Variants in SORCS3 observed in about 807,000 individuals in gnomAD.
The protein encoded by SORCS3 is sortilin related VPS10 domain containing receptor 3, also known as VPS10 domain-containing receptor SorCS3.
A neutral mutation model predicts 146.3 loss-of-function variants in SORCS3; 57 were observed. That is an observed-to-expected ratio of 0.39 (90% CI 0.31 to 0.49). SORCS3 has a LOEUF of 0.49. Ranked by LOEUF, SORCS3 falls within the 20% of genes least tolerant of loss-of-function variation. SORCS3 has a pLI of 0.92. For missense variants in SORCS3, 1,341 were observed against 1,575.5 expected (o/e 0.85, Z 2.52); for synonymous variants, 653 against 618.5 (o/e 1.06, Z -0.83).
At chr10:104,991,779 G>T (rs967063551) in intron 4 of SORCS3, among the ~76,000 whole-genome samples, 1 of 152,110 alleles carries the variant, frequency 6.6e-6, no homozygotes, top group Non-Finnish European at 1.5e-5. Context: ...GATTATAGGC[G>T]TGAGCCACTG....
intron 5 of SORCS3, among the ~76,000 whole-genome samples, chr10:105,067,687 T>A (rs1394112593): frequency 1.3e-5 from 2 of 152,190 alleles, no homozygotes; most frequent in Non-Finnish European, 2.9e-5. Context: ...CCTCCACCAC[T>A]ACTTCCTTTA....
intron 8 of SORCS3, among the ~76,000 whole-genome samples, chr10:105,144,940 A>T (rs759709973): frequency 6.6e-6 from 1 of 152,158 alleles, no homozygotes; most frequent in Non-Finnish European, 1.5e-5. Context: ...ATTTAGACAA[A>T]GGTTATATAT....
chr10:105,261,817 A>G (rs1220264442), intron 25 of SORCS3, among the ~76,000 whole-genome samples: 2 of 152,206 alleles, frequency 1.3e-5, no homozygotes, highest in African/African-American at 4.8e-5. Flanking sequence ...CAGATGAGGA[A>G]ACTATCCAAG....
intron 1 of SORCS3, among the ~76,000 whole-genome samples, chr10:104,794,740 G>A (rs2017534228): frequency 6.6e-6 from 1 of 152,032 alleles, no homozygotes; most frequent in African/African-American, 2.4e-5. Context: ...CTTCTCACAG[G>A]TTTTGCTGCC....
intron 3 of SORCS3, among the ~76,000 whole-genome samples, chr10:104,927,892 A>G (rs2133608509): frequency 6.7e-6 from 1 of 148,678 alleles, no homozygotes; most frequent in Non-Finnish European, 1.5e-5. Flanking sequence ...AAAAAAAAGA[A>G]GACAGTGTGT....
intron 3 of SORCS3, among the ~76,000 whole-genome samples, chr10:104,922,743 C>T (rs1416373059): frequency 1.3e-5 from 2 of 151,180 alleles, no homozygotes; most frequent in African/African-American, 2.5e-5. Context: ...CTACTGTTAT[C>T]CCTGTTTCCA....
chr10:104,751,223 A>G (rs1035144426), intron 1 of SORCS3, among the ~76,000 whole-genome samples: 1 of 152,168 alleles, frequency 6.6e-6, no homozygotes, highest in South Asian at 2.1e-4. Flanking sequence ...CAAAATAAGG[A>G]ATACATTTCT....
At chr10:105,128,319 A>G (rs1006513356) in intron 7 of SORCS3, among the ~76,000 whole-genome samples, 1 of 152,120 alleles carries the variant, frequency 6.6e-6, no homozygotes, top group Admixed American at 6.5e-5. Context: ...ACAGCTTGAC[A>G]GATGGCTTAA....
chr10:105,078,649 G>A (rs1009538002), intron 5 of SORCS3, among the ~76,000 whole-genome samples: 6 of 152,142 alleles, frequency 3.9e-5, no homozygotes, highest in Non-Finnish European at 5.9e-5. Context: ...ACGATATTTT[G>A]AGCACTATCA....
At chr10:105,086,202 C>T (rs1406682767) in intron 5 of SORCS3, among the ~76,000 whole-genome samples, 1 of 152,138 alleles carries the variant, frequency 6.6e-6, no homozygotes, top group Non-Finnish European at 1.5e-5. Context: ...CGTGACATTC[C>T]AGGGCTTCAG....
chr10:105,185,043 G>A (rs1209583437), intron 14 of SORCS3, among the ~76,000 whole-genome samples: 2 of 152,100 alleles, frequency 1.3e-5, no homozygotes, highest in African/African-American at 2.4e-5. Context: ...GATACCTTAT[G>A]TAAGTAAAAT....
At chr10:104,940,301 C>T (rs59372023) in intron 3 of SORCS3, among the ~76,000 whole-genome samples, 3,563 of 135,986 alleles carry the variant, frequency 0.026, 178 homozygotes, top group African/African-American at 0.09. Flanking sequence ...GTGCAGGTTT[C>T]TTACATATGT....
intron 13 of SORCS3, among the ~76,000 whole-genome samples, chr10:105,173,032 A>T (rs1164948125): frequency 6.6e-6 from 1 of 152,154 alleles, no homozygotes; most frequent in Non-Finnish European, 1.5e-5. Context: ...CCAAATTTAC[A>T]TCCCTAATTA....
At chr10:105,038,139 T>C (rs996811692) in intron 4 of SORCS3, among the ~76,000 whole-genome samples, 3 of 152,196 alleles carry the variant, frequency 2.0e-5, no homozygotes. Context: ...TCTCGATTGG[T>C]CTCTGGTAAT....
intron 5 of SORCS3, among the ~76,000 whole-genome samples, chr10:105,076,923 T>C (rs1289620172): frequency 6.6e-6 from 1 of 152,190 alleles, no homozygotes; most frequent in African/African-American, 2.4e-5. Flanking sequence ...CAAATCTCCA[T>C]TTAAAATGGC....
chr10:104,641,997 C>CAGGGGG lies in SORCS3; in HGVS notation c.627+43_627+44insAGGGGG. On this transcript the variant is annotated intron_variant, in intron 1 of 26. Transcript: ENST00000369701. The surrounding 1 kb of genome is among the most constrained non-coding windows in gnomAD (Gnocchi z 6.4). ...GGCGGGTCCGCCTGTTTCCTGACAC[C>CAGGGGG]GAAGGGGAATGGGGGGGTGGGTGGG... 2.9e-6 allele frequency: 1 copy of CAGGGGG among 348,772 alleles called. No homozygotes were observed. Among genetic ancestry groups the CAGGGGG allele is most frequent in the Non-Finnish European group, 5.1e-6 (1 of 196,268 alleles). 21.6% of individuals were successfully genotyped at this position (348,772 alleles called of 1,614,324 possible). A position where few individuals can be genotyped will look rare whatever the true frequency, so the allele number is the denominator to read the frequency against.
At chr10:104,751,969 A>G (rs1205199522) in intron 1 of SORCS3, among the ~76,000 whole-genome samples, 8 of 123,354 alleles carry the variant, frequency 6.5e-5, no homozygotes, top group African/African-American at 1.5e-4. Flanking sequence ...ATATATATAT[A>G]ATAGTTTAGC....
intron 4 of SORCS3, among the ~76,000 whole-genome samples, chr10:104,991,798 C>T (rs1313821642): frequency 1.3e-5 from 2 of 152,104 alleles, no homozygotes; most frequent in African/African-American, 2.4e-5. Context: ...TGCACCTGGC[C>T]GATTTCCTCT....
At chr10:105,006,216 A>G (rs1466369366) in intron 4 of SORCS3, among the ~76,000 whole-genome samples, 2 of 152,232 alleles carry the variant, frequency 1.3e-5, no homozygotes, top group Non-Finnish European at 2.9e-5. Context: ...TGCTGGGATT[A>G]CAGGCATGAG....
Sources: gnomAD v4.1 joint callset for allele counts (sites outside exome capture counted in the v4.1 genomes callset) on GRCh38, gnomAD v4.1.1 for gene constraint, Gnocchi (gnomAD v3.1) non-coding constraint, MANE v1.5 for transcripts, NCBI Gene and HGNC (gene_info 2026-07-23, HGNC 2026-07-21) for gene names.